Variants in RGR observed in about 807,000 individuals in gnomAD.
The protein encoded by RGR is retinal G protein coupled receptor.
Under a neutral mutation model 28.6 loss-of-function variants are expected in RGR, and 30 were observed. The observed-to-expected ratio is 1.05, with a 90% CI of 0.78 to 1.42. The LOEUF is 1.42. Ranked by LOEUF, RGR falls within the 40% of genes most tolerant of loss-of-function variation. The probability of loss-of-function intolerance (pLI) is 0.00; values close to 1 mark genes in which losing one functional copy is unlikely to be tolerated. For synonymous variants in RGR, 180 were observed against 156.4 expected (o/e 1.15, Z -1.13); for missense variants, 404 against 375.6 (o/e 1.08, Z -0.62).
chr10:84,254,229 C>T (rs1456815317), intron 4 of RGR, 97 bp from the exon 5 acceptor site: 2 of 1,060,990 alleles, frequency 1.9e-6, no homozygotes, highest in African/African-American at 3.1e-5. Context: ...GGGGCATTTC[C>T]CCACAACCGA....
In RGR at chr10:84,257,995, A is replaced by T; in HGVS notation, c.733A>T (p.Lys245Ter). Residue 245 changes from lysine to a stop codon, truncating the protein, a stop_gained, in exon 6 of 7, where the codon AAA (lysine) becomes TAA (stop). Transcript: ENST00000652092. LOFTEE classifies it low-confidence loss of function (END_TRUNC). ...VIADVTSISP[K>*]LQMVPALIAK... ...CGCAGACGTGACTTCCATCTCCCCC[A>T]AACTGCAGATGGTACAGATACTTCT... is the stretch of plus-strand genomic sequence containing the variant. 1 of 1,613,798 alleles carries T rather than the reference A, an allele frequency of 6.2e-7. No homozygotes were observed. The highest frequency in any genetic ancestry group is 1.6e-4 in the Middle Eastern group (1 of 6,062).
chr10:84,253,626 A>G (rs1842847148), intron 4 of RGR, among the ~76,000 whole-genome samples: 2 of 152,184 alleles, frequency 1.3e-5, no homozygotes, highest in African/African-American at 4.8e-5. Flanking sequence ...TGCTTCCACC[A>G]GAGCCAAGTT....
intron 1 of RGR, among the ~76,000 whole-genome samples, chr10:84,246,234 T>C (rs1842744632): frequency 6.6e-6 from 1 of 152,250 alleles, no homozygotes; most frequent in Admixed American, 6.5e-5. Context: ...TAAAATATGT[T>C]TTAAATTTCA....
chr10:84,252,960 C>T lies in RGR; in HGVS notation c.462C>T (p.Asp154=). 1 of 1,614,088 alleles carries T rather than the reference C, an allele frequency of 6.2e-7. No individual in the cohort carries two copies. The highest frequency in any genetic ancestry group is 8.5e-7 in the Non-Finnish European group (1 of 1,180,036). The change falls in exon 4 of 7, where the codon GAC becomes GAT. Residue 154 remains aspartate (D), a synonymous_variant. Coordinates refer to ENST00000652092, the MANE Select transcript of RGR (RefSeq NM_001012720.2). ...CCCTTCTGGGTTGGGGTCACTACGA[C>T]TATGAGCCACTGGGGACATGCTGCA... ...ALPLLGWGHY[D]YEPLGTCCTL...
Position 84,252,779 on chromosome 10 carries a change from A to T in RGR, c.359-78A>T, listed in dbSNP as rs1319682813. ...ATCACTTGAAGGGACACTCTTCGAG[A>T]TCAGGAAGTCCATTCTTTCTCACTC... is the stretch of plus-strand genomic sequence containing the variant. On this transcript the variant is annotated intron_variant, in intron 3 of 6. Coordinates refer to ENST00000652092, the MANE Select transcript of RGR (RefSeq NM_001012720.2). 2.6e-6 allele frequency: 4 copies of T among 1,567,572 alleles called. No homozygotes were observed. The African/African-American group carries it at 5.4e-5, about 21-fold the overall frequency.
At chr10:84,257,198 C>T (rs1200517781) in intron 5 of RGR, among the ~76,000 whole-genome samples, 1 of 152,212 alleles carries the variant, frequency 6.6e-6, no homozygotes, top group Non-Finnish European at 1.5e-5. Flanking sequence ...TGGCAGCTCC[C>T]GCTGAAATTA....
intron 4 of RGR, among the ~76,000 whole-genome samples, chr10:84,253,896 G>C (rs540186019): frequency 1.8e-4 from 28 of 152,272 alleles, no homozygotes; most frequent in African/African-American, 6.5e-4. Context: ...CACTACCTGG[G>C]AACCCAAGCT....
chr10:84,256,895 C>G (rs954354138), intron 5 of RGR, among the ~76,000 whole-genome samples: 1 of 152,112 alleles, frequency 6.6e-6, no homozygotes, highest in African/African-American at 2.4e-5. Flanking sequence ...AGCGGCTTCC[C>G]GAGACCGCGT....
chr10:84,251,483 T>A (rs1842817841), intron 3 of RGR, among the ~76,000 whole-genome samples: 1 of 152,188 alleles, frequency 6.6e-6, no homozygotes, highest in African/African-American at 2.4e-5. Context: ...ATTCTTGGTT[T>A]ATAGATGTTC....
intron 6 of RGR, among the ~76,000 whole-genome samples, chr10:84,258,220 A>G (rs776188871): frequency 5.9e-5 from 9 of 152,004 alleles, no homozygotes; most frequent in Non-Finnish European, 1.2e-4. Flanking sequence ...ACATTGCCCA[A>G]ACCTCATGTG....
intron 2 of RGR, chr10:84,248,706 A>G: frequency 1.4e-6 from 1 of 711,884 alleles, no homozygotes; most frequent in Non-Finnish European, 2.4e-6. Context: ...ACCATGGTGC[A>G]GTCAAAGTCA....
In RGR at chr10:84,247,653, C is replaced by T. The variant is rs139595177; in HGVS notation, c.142C>T (p.Arg48Trp). The change falls in exon 2 of 7, where the codon CGG becomes TGG. Residue 48 changes from arginine to tryptophan, a missense_variant. By Grantham distance (101) the Arg-to-Trp change is moderately radical (BLOSUM62 -3). Coordinates refer to ENST00000652092, the MANE Select transcript of RGR (RefSeq NM_001012720.2). ...IFSFCKTPEL[R>W]TPCHLLVLSL... is the part of the protein sequence containing the mutation. Reference sequence around the variant, plus strand: ...CTCTTTCTGCAAGACCCCGGAGCTGCGGACTCCCTGCCACCTACTGGTGCT... The same window carrying T: ...CTCTTTCTGCAAGACCCCGGAGCTGTGGACTCCCTGCCACCTACTGGTGCT... 2.5e-4 allele frequency: 398 copies of T among 1,614,082 alleles called. No individual in the cohort carries two copies. Among genetic ancestry groups the T allele is most frequent in the Non-Finnish European group, 3.1e-4 (366 of 1,180,048 alleles).
intron 3 of RGR, among the ~76,000 whole-genome samples, chr10:84,249,398 G>A (rs1842788207): frequency 6.6e-6 from 1 of 152,116 alleles, no homozygotes; most frequent in Non-Finnish European, 1.5e-5. Flanking sequence ...CTGCAACCTC[G>A]GCCTTCTGGT....
rs1032396063 is a variant in RGR, at chr10:84,248,971, T to C, written c.286T>C (p.Phe96Leu). ...DGCQAHGFQG[F>L]VTALASICSS... is the part of the protein sequence containing the mutation. ...CTGCCAGGCTCACGGCTTCCAGGGC[T>C]TTGTGACAGCGTTGGCCAGCATCTG... Residue 96 changes from phenylalanine to leucine, a missense_variant, in exon 3 of 7, where the codon TTT becomes CTT. By Grantham distance (22) the Phe-to-Leu change is conservative. Coordinates refer to ENST00000652092, the MANE Select transcript of RGR (RefSeq NM_001012720.2). 4 of 1,613,940 alleles carry C rather than the reference T, an allele frequency of 2.5e-6. No homozygotes were observed. In the African/African-American group the frequency reaches 4.0e-5, roughly 16 times the overall value.
In RGR at chr10:84,258,715, C is replaced by G; in HGVS notation, c.*76C>G. 1.2e-6 allele frequency: 2 copies of G among 1,602,168 alleles called. No homozygotes were observed. Among genetic ancestry groups the G allele is most frequent in the Non-Finnish European group, 1.7e-6 (2 of 1,174,072 alleles). On this transcript the variant is annotated 3_prime_UTR_variant, in exon 7 of 7. Coordinates refer to ENST00000652092, the MANE Select transcript of RGR (RefSeq NM_001012720.2). ...TGCCCAGCAGCCTCAGTGGCCAAGCCCAGACACTCACCCACCTTCCCCAGT... is the reference window on the plus strand; with the variant it reads ...TGCCCAGCAGCCTCAGTGGCCAAGCGCAGACACTCACCCACCTTCCCCAGT...
In RGR at chr10:84,258,905, G is replaced by C; in HGVS notation, c.*266G>C. 1 of 463,102 alleles carries C rather than the reference G, an allele frequency of 2.2e-6. No individual in the cohort carries two copies. Among genetic ancestry groups the C allele is most frequent in the South Asian group, 2.1e-5 (1 of 48,658 alleles). 28.7% of individuals were successfully genotyped at this position (463,102 alleles called of 1,614,324 possible). A position where few individuals can be genotyped will look rare whatever the true frequency, so the allele number is the denominator to read the frequency against. On this transcript the variant is annotated 3_prime_UTR_variant, in exon 7 of 7. Coordinates refer to ENST00000652092, the MANE Select transcript of RGR (RefSeq NM_001012720.2). ...TTAAAAATAATAATAAATGTAAGGGGGTACAGTGCAGTTTTGTTACATGGA... is the reference window on the plus strand; with the variant it reads ...TTAAAAATAATAATAAATGTAAGGGCGTACAGTGCAGTTTTGTTACATGGA...
At position 84,256,404 on chromosome 10, in the gene RGR, A is replaced by G. The variant is rs77753752; in HGVS notation, c.631-1489A>G. On this transcript the variant is annotated intron_variant, in intron 5 of 6. Coordinates refer to ENST00000652092, the MANE Select transcript of RGR (RefSeq NM_001012720.2). ...CGCGGACTAAAAAATTGAGGCTGAG[A>G]TGGGGGTTAACTAAGCAACTCACCA... Among the ~76,000 whole-genome samples the G allele has an allele frequency of 2.4e-4, 37 of 152,162 alleles. No individual in the cohort carries two copies. The East Asian group carries it at 5.8e-3, about 24-fold the overall frequency.
rs750768609 is a variant in RGR at position 84,252,958 on chromosome 10, G to A, written c.460G>A (p.Asp154Asn). The change falls in exon 4 of 7, where the codon GAC (aspartate) becomes AAC (asparagine). Residue 154 changes from aspartate to asparagine, a missense_variant. Coordinates refer to ENST00000652092, the MANE Select transcript of RGR (RefSeq NM_001012720.2). ...ALPLLGWGHY[D>N]YEPLGTCCTL... ...GCCCCTTCTGGGTTGGGGTCACTAC[G>A]ACTATGAGCCACTGGGGACATGCTG... 26 of 1,614,058 alleles carry A rather than the reference G, an allele frequency of 1.6e-5. No individual in the cohort carries two copies. The highest frequency in any genetic ancestry group is 1.6e-4 in the African/African-American group (12 of 75,032).
intron 1 of RGR, among the ~76,000 whole-genome samples, chr10:84,245,686 G>A (rs1176063931): frequency 6.6e-6 from 1 of 152,150 alleles, no homozygotes; most frequent in East Asian, 1.9e-4. Context: ...TAAAGTGCTA[G>A]CCTAAATAGA....
Sources: gnomAD v4.1 joint callset for allele counts (sites outside exome capture counted in the v4.1 genomes callset) on GRCh38, gnomAD v4.1.1 for gene constraint, MANE v1.5 for transcripts, NCBI Gene and HGNC (gene_info 2026-07-23, HGNC 2026-07-21) for gene names.